The following PPM1G variants were observed in gnomAD, a reference collection of about 807,000 sequenced individuals.
The protein encoded by PPM1G is protein phosphatase 1G.
PPM1G carries 12 observed loss-of-function variants against 59.4 expected under a neutral mutation model. That is an observed-to-expected ratio of 0.20 (90% CI 0.13 to 0.33). PPM1G has a LOEUF of 0.33. Among genes scored for constraint, PPM1G ranks in the 10% least tolerant of loss-of-function variants. PPM1G has a pLI of 1.00. For missense variants in PPM1G, 392 were observed against 681.3 expected (o/e 0.58, Z 4.73); for synonymous variants, 245 against 251.9 (o/e 0.97, Z 0.26).
intron 1 of PPM1G, among the ~76,000 whole-genome samples, chr2:27,407,938 T>C (rs1407513337): frequency 1.3e-5 from 2 of 151,554 alleles, no homozygotes; most frequent in African/African-American, 2.4e-5. Flanking sequence ...TCCCAACTAC[T>C]AGGGAGGCTG....
intron 1 of PPM1G, among the ~76,000 whole-genome samples, chr2:27,392,601 A>AT (rs1159441726): frequency 1.7e-3 from 78 of 46,834 alleles, no homozygotes; most frequent in African/African-American, 1.9e-3. Context: ...CCCACAGTAC[A>AT]TTTTTTTTTT....
intron 1 of PPM1G, among the ~76,000 whole-genome samples, chr2:27,401,716 C>T (rs1684183507): frequency 6.6e-6 from 1 of 152,104 alleles, no homozygotes; most frequent in Non-Finnish European, 1.5e-5. Context: ...GTTCCAGCTA[C>T]TCAGGATGCT....
chr2:27,382,630 G>T lies in PPM1G; in HGVS notation c.1202-25C>A. On this transcript the variant is annotated intron_variant, in intron 7 of 9. Transcript: ENST00000344034. This position sits in a 1 kb window ranked among gnomAD's most constrained non-coding sequence, Gnocchi z 4.2. The stretch of plus-strand genomic sequence containing the variant: ...CCTGGAGTAAAGGAATGGTTGATGA[G>T]CAGTTTGGATACTTCCCACAGACTT... 6.2e-7 allele frequency: 1 copy of T among 1,613,850 alleles called. No individual in the cohort carries two copies. Among genetic ancestry groups the T allele is most frequent in the Non-Finnish European group, 8.5e-7 (1 of 1,179,834 alleles).
Position 27,383,624 on chromosome 2 carries a change from C to G in PPM1G, c.967-24G>C, listed in dbSNP as rs369217182. The G allele has an allele frequency of 7.1e-4, 1,120 of 1,587,800 alleles. 1 individual carries two copies. Among genetic ancestry groups the G allele is most frequent in the Non-Finnish European group, 9.4e-4 (1,091 of 1,164,730 alleles). On this transcript the variant is annotated intron_variant, in intron 6 of 9. Transcript: ENST00000344034. The surrounding 1 kb of genome is among the most constrained non-coding windows in gnomAD (Gnocchi z 5.0). Reference sequence around the variant, plus strand: ...GGCTTAAGAGGAAGAAAAGGAGCATCATGGGGGCTTCTGAACATGCGTTCC... The same window carrying G: ...GGCTTAAGAGGAAGAAAAGGAGCATGATGGGGGCTTCTGAACATGCGTTCC...
Position 27,382,759 on chromosome 2 carries a change from T to C in PPM1G, c.1202-154A>G, listed in dbSNP as rs1683664122. ...GTCCTAAGTCCTAGTTTTTCTAGTTTCAACCCTGCCACCAGACTGCTGAAC... is the reference window on the plus strand; with the variant it reads ...GTCCTAAGTCCTAGTTTTTCTAGTTCCAACCCTGCCACCAGACTGCTGAAC... On this transcript the variant is annotated intron_variant, in intron 7 of 9. Coordinates refer to ENST00000344034, the MANE Select transcript of PPM1G (RefSeq NM_177983.3). The surrounding 1 kb of genome is among the most constrained non-coding windows in gnomAD (Gnocchi z 4.2). Among the ~76,000 whole-genome samples the C allele has an allele frequency of 6.6e-6, 1 of 152,184 alleles. No individual in the cohort carries two copies. Among genetic ancestry groups the C allele is most frequent in the African/African-American group, 2.4e-5 (1 of 41,444 alleles).
chr2:27,398,491 T>C (rs1684102820), intron 1 of PPM1G, among the ~76,000 whole-genome samples: 1 of 152,140 alleles, frequency 6.6e-6, no homozygotes, highest in Non-Finnish European at 1.5e-5. Flanking sequence ...TTGGACTTTA[T>C]CAAAAGTAAA....
chr2:27,383,131 C>T lies in PPM1G; in HGVS notation c.1201+235G>A, dbSNP rs1390117293. Reference sequence around the variant, plus strand: ...GATTACAGGCGTGAGCCACCACGCCCGGCACTCACAGGTCTTTTTCATCAT... The same window carrying T: ...GATTACAGGCGTGAGCCACCACGCCTGGCACTCACAGGTCTTTTTCATCAT... On this transcript the variant is annotated intron_variant, in intron 7 of 9. Transcript: ENST00000344034. This position sits in a 1 kb window ranked among gnomAD's most constrained non-coding sequence, Gnocchi z 5.0. Among the ~76,000 whole-genome samples, 4 of 152,030 alleles carry T rather than the reference C, an allele frequency of 2.6e-5. No individual in the cohort carries two copies. The highest frequency in any genetic ancestry group is 7.2e-5 in the African/African-American group (3 of 41,400).
Position 27,385,228 on chromosome 2 carries a change from A to C in PPM1G, c.410-140T>G, listed in dbSNP as rs772543879. On this transcript the variant is annotated intron_variant, in intron 4 of 9. Coordinates refer to ENST00000344034, the MANE Select transcript of PPM1G (RefSeq NM_177983.3). This position sits in a 1 kb window ranked among gnomAD's most constrained non-coding sequence, Gnocchi z 4.1. ...AAGGTTCCTCTCGCTCAAGTCTCAG[A>C]AGAACATGCCCTAGCTCCTCCTCCT... The C allele has an allele frequency of 3.0e-4, 287 of 950,280 alleles. 3 individuals carry two copies. Among genetic ancestry groups the C allele is most frequent in the South Asian group, 2.0e-3 (108 of 55,366 alleles). The allele number at this position is 950,280 out of a possible 1,614,324, so 58.9% of individuals were successfully genotyped here. A position where few individuals can be genotyped will look rare whatever the true frequency, so the allele number is the denominator to read the frequency against.
At position 27,382,844 on chromosome 2, in the gene PPM1G, A is replaced by ATTT. The variant is rs1473300326; in HGVS notation, c.1202-240_1202-239insAAA. 2.2e-3 allele frequency among the ~76,000 whole-genome samples: 256 copies of ATTT among 117,878 alleles called. No homozygotes were observed. Among genetic ancestry groups the ATTT allele is most frequent in the African/African-American group, 9.1e-3 (245 of 26,982 alleles). 77.3% of individuals were successfully genotyped at this position (117,878 alleles called of 152,430 possible). Reference sequence around the variant, plus strand: ...AGTCTTTTTTGTTTTTTTTTTTTTGAGACGGAGTTTCACTCTTGTAGCCCA... The same window carrying ATTT: ...AGTCTTTTTTGTTTTTTTTTTTTTGATTTGACGGAGTTTCACTCTTGTAGCCCA... On this transcript the variant is annotated intron_variant, in intron 7 of 9. Coordinates refer to ENST00000344034, the MANE Select transcript of PPM1G (RefSeq NM_177983.3). This position sits in a 1 kb window ranked among gnomAD's most constrained non-coding sequence, Gnocchi z 4.2.
intron 1 of PPM1G, among the ~76,000 whole-genome samples, chr2:27,407,051 C>T (rs1663388892): frequency 6.6e-6 from 1 of 151,278 alleles, no homozygotes; most frequent in South Asian, 2.1e-4. Flanking sequence ...CTGCAACCTC[C>T]GCCTCTGGGA....
chr2:27,386,451 A>T, intron 2 of PPM1G, 172 bp from the exon 3 acceptor site: 1 of 477,796 alleles, frequency 2.1e-6, no homozygotes, highest in East Asian at 3.1e-5. Flanking sequence ...ATCCAAAAAA[A>T]TGGATTTCAC....
At chr2:27,401,291 A>G (rs1210268445) in intron 1 of PPM1G, among the ~76,000 whole-genome samples, 2 of 152,206 alleles carry the variant, frequency 1.3e-5, no homozygotes, top group African/African-American at 4.8e-5. Flanking sequence ...AGGGGCCAAC[A>G]AGCTTTAAAG....
In PPM1G at chr2:27,385,348, T is replaced by C. The variant is rs943696073; in HGVS notation, c.410-260A>G. On this transcript the variant is annotated intron_variant, in intron 4 of 9. Coordinates refer to ENST00000344034, the MANE Select transcript of PPM1G (RefSeq NM_177983.3). This position sits in a 1 kb window ranked among gnomAD's most constrained non-coding sequence, Gnocchi z 4.1. ...CCCTCTGACGTCTCATTTTTTATTG[T>C]TAAGTTGTAAAAACCCTATTCTGGC... The C allele has an allele frequency of 2.2e-6, 1 of 457,484 alleles. No individual in the cohort carries two copies. 28.3% of individuals were successfully genotyped at this position (457,484 alleles called of 1,614,324 possible).
intron 1 of PPM1G, among the ~76,000 whole-genome samples, chr2:27,395,247 A>AAAG (rs763970710): frequency 0.029 from 4,091 of 139,554 alleles, 96 homozygotes; most frequent in Non-Finnish European, 0.045. Flanking sequence ...AAAAAAAAAA[A>AAAG]AAAGAAAGAA....
intron 1 of PPM1G, chr2:27,393,329 G>T (rs1297710534): frequency 5.0e-6 from 8 of 1,597,700 alleles, no homozygotes; most frequent in Non-Finnish European, 6.8e-6. Flanking sequence ...AGTCTTGGTG[G>T]TAGTTCTGGC....
intron 1 of PPM1G, among the ~76,000 whole-genome samples, chr2:27,406,688 T>A (rs1466509114): frequency 6.6e-6 from 1 of 152,018 alleles, no homozygotes; most frequent in African/African-American, 2.4e-5. Flanking sequence ...GCAAATAGTA[T>A]GGAATCACTG....
Position 27,383,895 on chromosome 2 carries a change from G to A in PPM1G, c.966+57C>T. The A allele has an allele frequency of 6.5e-7, 1 of 1,545,944 alleles. No individual in the cohort carries two copies. The highest frequency in any genetic ancestry group is 8.7e-7 in the Non-Finnish European group (1 of 1,143,698). On this transcript the variant is annotated intron_variant, in intron 6 of 9. Coordinates refer to ENST00000344034, the MANE Select transcript of PPM1G (RefSeq NM_177983.3). The surrounding 1 kb of genome is among the most constrained non-coding windows in gnomAD (Gnocchi z 5.0). The stretch of plus-strand genomic sequence containing the variant: ...TCCCCTGTCTCAAAATCAAAATTAG[G>A]GGATTCACACCTGCCTTGTGGCTTT...
At chr2:27,397,130 A>T (rs1307434733) in intron 1 of PPM1G, among the ~76,000 whole-genome samples, 1 of 152,144 alleles carries the variant, frequency 6.6e-6, no homozygotes, top group Non-Finnish European at 1.5e-5. Context: ...TGGCCCCCCA[A>T]AGTGCTGGGA....
At chr2:27,409,166 T>C in intron 1 of PPM1G, 137 bp downstream of exon 1, 2 of 1,286,944 alleles carry the variant, frequency 1.6e-6, no homozygotes, top group Admixed American at 3.3e-5. Flanking sequence ...CCGCGGTCTC[T>C]GTCGCCCCGC....
Sources: gnomAD v4.1 joint callset for allele counts (sites outside exome capture counted in the v4.1 genomes callset) on GRCh38, gnomAD v4.1.1 for gene constraint, Gnocchi (gnomAD v3.1) non-coding constraint, MANE v1.5 for transcripts, NCBI Gene and HGNC (gene_info 2026-07-23, HGNC 2026-07-21) for gene names.